The following NEK5 variants were observed in gnomAD, a reference collection of about 807,000 sequenced individuals.
The protein encoded by NEK5 is serine/threonine-protein kinase Nek5.
Under a neutral mutation model 109.2 loss-of-function variants are expected in NEK5, and 88 were observed. The ratio of observed to expected loss-of-function variants is 0.81; its 90% confidence interval spans 0.68 to 0.96. NEK5 has a LOEUF of 0.96. NEK5 is among the 40% of genes least tolerant of loss of function. The pLI is 0.00. For missense variants in NEK5, 834 were observed against 920.7 expected (o/e 0.91, Z 1.22); for synonymous variants, 283 against 299.9 (o/e 0.94, Z 0.58).
chr13:52,080,775 G>A (rs896091760), intron 17 of NEK5, among the ~76,000 whole-genome samples: 14 of 151,796 alleles, frequency 9.2e-5, no homozygotes, highest in African/African-American at 3.4e-4. Context: ...AGGGTCCTCT[G>A]CCTAGGAAAA....
chr13:52,063,210 T>C (rs1954629539), intron 21 of NEK5, among the ~76,000 whole-genome samples: 2 of 152,246 alleles, frequency 1.3e-5, no homozygotes, highest in South Asian at 4.1e-4. Context: ...GTGCCCGTGA[T>C]TACAGACACG....
chr13:52,128,473 A>G (rs372257719), intron 1 of NEK5, among the ~76,000 whole-genome samples: 1 of 151,980 alleles, frequency 6.6e-6, no homozygotes, highest in African/African-American at 2.4e-5. Flanking sequence ...CTTTCCTTCT[A>G]TTTCCTCTTT....
At chr13:52,108,926 A>C (rs1347421862) in intron 7 of NEK5, among the ~76,000 whole-genome samples, 1 of 152,270 alleles carries the variant, frequency 6.6e-6, no homozygotes, top group Non-Finnish European at 1.5e-5. Context: ...AGAAGTCTTC[A>C]AAACCATAAA....
At chr13:52,092,849 G>A (rs562644687) in intron 13 of NEK5, among the ~76,000 whole-genome samples, 8 of 152,304 alleles carry the variant, frequency 5.3e-5, no homozygotes, top group Admixed American at 2.6e-4. Flanking sequence ...TTGCGCCACC[G>A]CACTCTAGCC....
intron 20 of NEK5, 26 bp downstream of exon 20, chr13:52,071,918 A>T: frequency 6.2e-7 from 1 of 1,609,980 alleles, no homozygotes. Flanking sequence ...GTTCCTTCTC[A>T]TTTACAACTT....
In NEK5 at chr13:52,072,870, A is replaced by G. The variant is rs1310246373; in HGVS notation, c.1723-800T>C. ...GGTGAATTCAGAAAAGGTAAAATGG[A>G]AAAATAAACCAATTAATTTTGACAT... On this transcript the variant is annotated intron_variant, in intron 19 of 23. Transcript: ENST00000684899. 2.0e-5 allele frequency among the ~76,000 whole-genome samples: 3 copies of G among 152,372 alleles called. No individual in the cohort carries two copies. In the East Asian group the frequency reaches 5.8e-4, roughly 29 times the overall value.
chr13:52,102,303 A>G lies in NEK5; in HGVS notation c.610-11T>C. The stretch of plus-strand genomic sequence containing the variant: ...GTTGTTACCCTCAAACTGAAAGGAC[A>G]AGGAGAAATGACACTAAATCAGAGA... On this transcript the variant is annotated splice_polypyrimidine_tract_variant and intron_variant, in intron 9 of 23. Transcript: ENST00000684899. 6.2e-7 allele frequency: 1 copy of G among 1,605,684 alleles called. No individual in the cohort carries two copies. The highest frequency in any genetic ancestry group is 2.2e-5 in the East Asian group (1 of 44,832).
At chr13:52,040,721 T>A (rs1184311266) in intron 23 of NEK5, among the ~76,000 whole-genome samples, 1 of 152,214 alleles carries the variant, frequency 6.6e-6, no homozygotes, top group Non-Finnish European at 1.5e-5. Flanking sequence ...TCACCAGTGC[T>A]TCAGTGAAAA....
At chr13:52,069,714 C>T (rs920033343) in intron 20 of NEK5, among the ~76,000 whole-genome samples, 4 of 152,302 alleles carry the variant, frequency 2.6e-5, no homozygotes, top group Middle Eastern at 3.4e-3. Flanking sequence ...AGTTCCCACA[C>T]TCAGTATCTA....
intron 21 of NEK5, among the ~76,000 whole-genome samples, chr13:52,063,592 G>A (rs1489709233): frequency 3.3e-5 from 5 of 150,026 alleles, no homozygotes; most frequent in East Asian, 2.0e-4. Flanking sequence ...AGTGAGGAGC[G>A]TCTCTGCCCA....
intron 4 of NEK5, among the ~76,000 whole-genome samples, chr13:52,114,912 C>T (rs919184711): frequency 2.0e-5 from 3 of 152,210 alleles, no homozygotes; most frequent in African/African-American, 4.8e-5. Context: ...AGAGGAGACA[C>T]ATTATTTCAT....
chr13:52,109,447 T>C (rs1012101111), intron 7 of NEK5, among the ~76,000 whole-genome samples: 1 of 152,086 alleles, frequency 6.6e-6, no homozygotes, highest in Non-Finnish European at 1.5e-5. Flanking sequence ...ATCAAAATAT[T>C]TTACCCCAAA....
intron 12 of NEK5, among the ~76,000 whole-genome samples, chr13:52,096,415 T>C (rs1429192965): frequency 2.0e-5 from 3 of 152,094 alleles, no homozygotes; most frequent in African/African-American, 4.8e-5. Flanking sequence ...AGTGATATGG[T>C]CAATAAAGTC....
chr13:52,115,216 TG>T (rs992136505), intron 4 of NEK5, among the ~76,000 whole-genome samples: 15 of 151,802 alleles, frequency 9.9e-5, no homozygotes, highest in Non-Finnish European at 2.1e-4. Context: ...GGTTTCACTG[TG>T]GTCTCGATCT....
chr13:52,125,675 T>C lies in NEK5; in HGVS notation c.117+1691A>G, dbSNP rs192008101. Reference sequence around the variant, plus strand: ...CAGAGATTTAAGAGAGATCTACTTATTGGTAAACACTGAAGTGGGGCAGTT... The same window carrying C: ...CAGAGATTTAAGAGAGATCTACTTACTGGTAAACACTGAAGTGGGGCAGTT... On this transcript the variant is annotated intron_variant, in intron 3 of 23. Coordinates refer to ENST00000684899, the MANE Select transcript of NEK5 (RefSeq NM_001365552.1). 3.3e-4 allele frequency among the ~76,000 whole-genome samples: 50 copies of C among 152,254 alleles called. No individual in the cohort carries two copies. In the South Asian group the frequency reaches 4.1e-3, roughly 13 times the overall value.
At chr13:52,114,677 G>A (rs1405855220) in intron 4 of NEK5, among the ~76,000 whole-genome samples, 1 of 152,234 alleles carries the variant, frequency 6.6e-6, no homozygotes, top group East Asian at 1.9e-4. Context: ...CTGTAGGCTG[G>A]AGGGTGAGGA....
chr13:52,127,676 G>T lies in NEK5; in HGVS notation c.-90-14C>A. On this transcript the variant is annotated splice_polypyrimidine_tract_variant and intron_variant, in intron 1 of 23. Coordinates refer to ENST00000684899, the MANE Select transcript of NEK5 (RefSeq NM_001365552.1). ...GGCCACAGATAACTGAAATGAGACAGAGTTTCTTGGTCAGACACGGGTCAT... is the reference window on the plus strand; with the variant it reads ...GGCCACAGATAACTGAAATGAGACATAGTTTCTTGGTCAGACACGGGTCAT... The T allele has an allele frequency of 5.8e-6, 3 of 517,946 alleles. No individual in the cohort carries two copies. Among genetic ancestry groups the T allele is most frequent in the East Asian group, 3.2e-5 (1 of 31,224 alleles). 32.1% of individuals were successfully genotyped at this position (517,946 alleles called of 1,614,324 possible).
intron 4 of NEK5, among the ~76,000 whole-genome samples, chr13:52,116,791 G>A (rs1320721454): frequency 6.6e-6 from 1 of 152,072 alleles, no homozygotes; most frequent in African/African-American, 2.4e-5. Flanking sequence ...GAACATGCCT[G>A]GCATATAACA....
chr13:52,101,776 T>C (rs1025728025), intron 11 of NEK5, among the ~76,000 whole-genome samples, 157 bp downstream of exon 11: 7 of 152,198 alleles, frequency 4.6e-5, no homozygotes, highest in African/African-American at 1.7e-4. Context: ...GCACACTCAC[T>C]AGTTGCCATT....
Sources: allele counts gnomAD v4.1 joint callset (sites outside exome capture counted in the v4.1 genomes callset), GRCh38; gene constraint gnomAD v4.1.1; transcripts MANE v1.5; gene names NCBI Gene and HGNC (gene_info 2026-07-23, HGNC 2026-07-21).